The following CHRDL2 variants were observed in gnomAD, a reference collection of about 807,000 sequenced individuals.
CHRDL2 encodes chordin-like protein 2.
A neutral mutation model predicts 54.3 loss-of-function variants in CHRDL2; 41 were observed. The ratio of observed to expected loss-of-function variants is 0.76; its 90% CI spans 0.59 to 0.98. CHRDL2 has a LOEUF of 0.98. CHRDL2 is among the 50% of genes least tolerant of loss of function. The pLI is 0.00. For synonymous variants in CHRDL2, 220 were observed against 224.3 expected, an observed-to-expected ratio of 0.98 and a Z score of 0.17; for missense variants, 518 against 562.4, an observed-to-expected ratio of 0.92 and a Z score of 0.80.
At chr11:74,725,272 G>C (rs1219861252) in intron 1 of CHRDL2, among the ~76,000 whole-genome samples, 1 of 151,914 alleles carries the variant, frequency 6.6e-6, no homozygotes, top group East Asian at 1.9e-4. Flanking sequence ...ATTACAGGCG[G>C]GAGCCACCAC....
At chr11:74,703,580 G>A (rs879302787) in intron 7 of CHRDL2, 81 bp from the exon 8 acceptor site, 10 of 1,280,906 alleles carry the variant, frequency 7.8e-6, no homozygotes, top group Middle Eastern at 4.3e-4. Flanking sequence ...GGGTGGGGTG[G>A]GCCCTTGGGG....
chr11:74,710,562 C>G (rs575561200), intron 4 of CHRDL2, among the ~76,000 whole-genome samples: 6 of 152,310 alleles, frequency 3.9e-5, no homozygotes, highest in African/African-American at 7.2e-5. Flanking sequence ...AGGCCCTGGA[C>G]TGACAGCAGA....
At chr11:74,725,019 G>A (rs563165609) in intron 1 of CHRDL2, among the ~76,000 whole-genome samples, 41 of 151,638 alleles carry the variant, frequency 2.7e-4, no homozygotes, top group African/African-American at 8.7e-4. Context: ...TTTTGAGATG[G>A]AATCTTGCTC....
chr11:74,708,540 G>C (rs150787522), intron 4 of CHRDL2, 145 bp from the exon 5 acceptor site: 3 of 608,808 alleles, frequency 4.9e-6, no homozygotes, highest in Non-Finnish European at 8.3e-6. Context: ...CCACAGCAAG[G>C]CCCGGCCAGC....
At chr11:74,708,184 A>T in intron 5 of CHRDL2, 118 bp downstream of exon 5, 1 of 646,244 alleles carries the variant, frequency 1.5e-6, no homozygotes, top group Non-Finnish European at 2.4e-6. Flanking sequence ...CCTGGAGGAA[A>T]GAGCCGTCTG....
intron 1 of CHRDL2, among the ~76,000 whole-genome samples, chr11:74,722,476 C>T (rs773029537): frequency 2.0e-5 from 3 of 152,128 alleles, no homozygotes; most frequent in Non-Finnish European, 2.9e-5. Context: ...CTCAGAGTTA[C>T]TGTAGAATTA....
At chr11:74,698,799 G>T in intron 9 of CHRDL2, 1 of 152,384 alleles carries the variant, frequency 6.6e-6, no homozygotes, top group Non-Finnish European at 1.5e-5. Context: ...GCATCTCATG[G>T]GGTGCTGGCC....
chr11:74,717,726 A>G (rs965313713), intron 2 of CHRDL2, among the ~76,000 whole-genome samples: 2 of 152,160 alleles, frequency 1.3e-5, no homozygotes. Context: ...AGACTCTTAG[A>G]GGCCTTCTGC....
chr11:74,718,836 G>A lies in CHRDL2; in HGVS notation c.83-4C>T. ...AAAAGGCAGAACATGTCTGGGCCTG[G>A]CAAACCGACCAGTGCCATGTTAGTC... On this transcript the variant is annotated splice_region_variant and splice_polypyrimidine_tract_variant and intron_variant, in intron 1 of 10. Transcript: ENST00000376332. The A allele has an allele frequency of 1.3e-6, 2 of 1,593,090 alleles. No homozygotes were observed. The highest frequency in any genetic ancestry group is 1.7e-5 in the Admixed American group (1 of 58,792).
intron 1 of CHRDL2, among the ~76,000 whole-genome samples, chr11:74,721,104 C>T (rs775533274): frequency 3.5e-4 from 54 of 152,224 alleles, no homozygotes; most frequent in Admixed American, 3.0e-3. Context: ...CCGGCTGGCC[C>T]GTATCAAATG....
At chr11:74,718,388 G>A (rs1288981983) in intron 2 of CHRDL2, among the ~76,000 whole-genome samples, 1 of 152,130 alleles carries the variant, frequency 6.6e-6, no homozygotes. Context: ...GGGAATGGGA[G>A]ATAAGGTCAA....
At chr11:74,711,817 T>C (rs2034201810) in intron 3 of CHRDL2, among the ~76,000 whole-genome samples, 1 of 150,504 alleles carries the variant, frequency 6.6e-6, no homozygotes, top group East Asian at 1.9e-4. Flanking sequence ...TTCCTTTTTT[T>C]CTTTTTTTTT....
At chr11:74,722,715 C>G (rs926340519) in intron 1 of CHRDL2, among the ~76,000 whole-genome samples, 11 of 152,262 alleles carry the variant, frequency 7.2e-5, no homozygotes, top group Non-Finnish European at 1.3e-4. Flanking sequence ...TCATTTACTA[C>G]TGCACCAATC....
intron 1 of CHRDL2, among the ~76,000 whole-genome samples, chr11:74,723,472 T>C (rs2034527495): frequency 6.6e-6 from 1 of 152,224 alleles, no homozygotes; most frequent in Admixed American, 6.5e-5. Context: ...TCATCCTTAC[T>C]GTAGATCTTA....
intron 3 of CHRDL2, among the ~76,000 whole-genome samples, chr11:74,712,220 A>C (rs1447397039): frequency 1.3e-5 from 2 of 152,132 alleles, no homozygotes; most frequent in East Asian, 3.9e-4. Flanking sequence ...ATGGAAGCAC[A>C]GAAGTTGTGA....
Position 74,717,112 on chromosome 11 carries a change from A to ACAAAC in CHRDL2, c.195+1607_195+1608insGTTTG, listed in dbSNP as rs202173740. 5.3e-5 allele frequency among the ~76,000 whole-genome samples: 8 copies of ACAAAC among 150,634 alleles called. No individual in the cohort carries two copies. In the East Asian group the frequency reaches 5.9e-4, roughly 11 times the overall value. On this transcript the variant is annotated intron_variant, in intron 2 of 10. Coordinates refer to ENST00000376332, the MANE Select transcript of CHRDL2 (RefSeq NM_001278473.3). ...CTGTCTCAAACAAACAAACAAACAA[A>ACAAAC]AAAAAAAAACCATTCTCACTGCCGC...
At chr11:74,714,119 CCCTCGTGGGGG>C (rs2034276884) in intron 2 of CHRDL2, among the ~76,000 whole-genome samples, 1 of 152,058 alleles carries the variant, frequency 6.6e-6, no homozygotes, top group South Asian at 2.1e-4. Context: ...TGGCCACCAC[CCCTCGTGGGGG>C]TCTTCCCAGC....
At chr11:74,713,541 C>G in intron 2 of CHRDL2, 62 bp from the exon 3 acceptor site, 1 of 1,365,348 alleles carries the variant, frequency 7.3e-7, no homozygotes. Flanking sequence ...CTGTACCTGT[C>G]CTTTCCCAAA....
intron 5 of CHRDL2, among the ~76,000 whole-genome samples, chr11:74,707,762 C>T (rs1166825394): frequency 6.6e-6 from 1 of 152,138 alleles, no homozygotes; most frequent in Non-Finnish European, 1.5e-5. Flanking sequence ...CTCCCTCAAG[C>T]CCGCAGCTCC....
Sources: allele counts gnomAD v4.1 joint callset (sites outside exome capture counted in the v4.1 genomes callset), GRCh38; gene constraint gnomAD v4.1.1; transcripts MANE v1.5; gene names NCBI Gene and HGNC (gene_info 2026-07-23, HGNC 2026-07-21).